The following ARHGEF38 variants were observed in gnomAD, a reference collection of about 807,000 sequenced individuals.
ARHGEF38 encodes the protein Rho guanine nucleotide exchange factor (GEF) 38.
In ARHGEF38, 79 loss-of-function variants were observed where a neutral mutation model predicts 79.9. That is an observed-to-expected ratio of 0.99 (90% CI 0.82 to 1.19). The LOEUF is 1.19. ARHGEF38 is among the 50% of genes most tolerant of loss of function. The pLI is 0.00. For synonymous variants in ARHGEF38, 366 were observed against 328.3 expected, an observed-to-expected ratio of 1.11 and a Z score of -1.24; for missense variants, 962 against 907.2, an observed-to-expected ratio of 1.06 and a Z score of -0.78.
At chr4:105,614,254 A>C (rs1728425215) in intron 3 of ARHGEF38, among the ~76,000 whole-genome samples, 1 of 152,120 alleles carries the variant, frequency 6.6e-6, no homozygotes, top group African/African-American at 2.4e-5. Context: ...TCGTTTCTCT[A>C]TTTCACACTT....
At chr4:105,560,980 TC>T (rs1725490709) in intron 1 of ARHGEF38, among the ~76,000 whole-genome samples, 1 of 152,150 alleles carries the variant, frequency 6.6e-6, no homozygotes, top group Non-Finnish European at 1.5e-5. Context: ...TAAAAACACA[TC>T]CCCTCCCAGA....
chr4:105,651,114 G>A (rs1293157258), intron 7 of ARHGEF38, among the ~76,000 whole-genome samples: 1 of 152,158 alleles, frequency 6.6e-6, no homozygotes, highest in Non-Finnish European at 1.5e-5. Flanking sequence ...TGAATAAGCT[G>A]TTATATTCTT....
intron 3 of ARHGEF38, among the ~76,000 whole-genome samples, chr4:105,617,194 A>G (rs888798448): frequency 6.6e-6 from 1 of 152,356 alleles, no homozygotes; most frequent in Non-Finnish European, 1.5e-5. Context: ...GTCTGACCTT[A>G]TTATAAATGC....
chr4:105,610,664 C>A (rs982672069), intron 2 of ARHGEF38, among the ~76,000 whole-genome samples: 1 of 152,102 alleles, frequency 6.6e-6, no homozygotes, highest in South Asian at 2.1e-4. Context: ...TTCACAGAAT[C>A]CCCATGGGCT....
At chr4:105,561,400 T>TAGAATAG (rs59437354) in intron 1 of ARHGEF38, among the ~76,000 whole-genome samples, 7 of 30,180 alleles carry the variant, frequency 2.3e-4, no homozygotes, top group East Asian at 1.1e-3. Context: ...TAGAGTAGAA[T>TAGAATAG]AATAGAATAG....
At chr4:105,577,428 C>T (rs954523802) in intron 1 of ARHGEF38, among the ~76,000 whole-genome samples, 2 of 151,730 alleles carry the variant, frequency 1.3e-5, no homozygotes, top group Non-Finnish European at 2.9e-5. Context: ...ATGCTGGCTT[C>T]ATAGAATAAT....
chr4:105,676,910 G>C (rs1242914734), intron 13 of ARHGEF38, among the ~76,000 whole-genome samples: 3 of 151,408 alleles, frequency 2.0e-5, no homozygotes, highest in Non-Finnish European at 4.4e-5. Context: ...TTTATCATAA[G>C]TGTTTCCCAT....
intron 1 of ARHGEF38, among the ~76,000 whole-genome samples, chr4:105,566,110 A>G (rs1451442869): frequency 2.0e-5 from 3 of 152,192 alleles, no homozygotes; most frequent in Non-Finnish European, 4.4e-5. Flanking sequence ...TCCCTCATTT[A>G]TTAAAAAATT....
chr4:105,561,484 A>AATGGAATGGAATG (rs1725598720), intron 1 of ARHGEF38: 1 of 59,918 alleles, frequency 1.7e-5, no homozygotes, highest in African/African-American at 6.2e-5. Flanking sequence ...AGAATAGAAT[A>AATGGAATGGAATG]GAATAGAATA....
At chr4:105,670,228 A>G (rs1274330701) in intron 13 of ARHGEF38, among the ~76,000 whole-genome samples, 1 of 152,198 alleles carries the variant, frequency 6.6e-6, no homozygotes, top group African/African-American at 2.4e-5. Flanking sequence ...AAGTGGGCGC[A>G]CCATTTTAGA....
intron 1 of ARHGEF38, among the ~76,000 whole-genome samples, chr4:105,582,500 T>G (rs183379355): frequency 0.011 from 1,684 of 152,200 alleles, 14 homozygotes; most frequent in Non-Finnish European, 0.017. Flanking sequence ...GACCCATCAG[T>G]TATTTTGTAG....
At chr4:105,562,262 A>C (rs2110403183) in intron 1 of ARHGEF38, among the ~76,000 whole-genome samples, 1 of 152,292 alleles carries the variant, frequency 6.6e-6, no homozygotes, top group Middle Eastern at 3.4e-3. Context: ...ATACTACTTC[A>C]TTCTATTTTT....
intron 2 of ARHGEF38, among the ~76,000 whole-genome samples, chr4:105,612,818 A>T (rs1253066006): frequency 1.3e-5 from 2 of 152,172 alleles, no homozygotes; most frequent in Non-Finnish European, 2.9e-5. Context: ...TCTAAGAATA[A>T]TTACACTGGT....
chr4:105,669,070 A>T (rs903813377), intron 13 of ARHGEF38, among the ~76,000 whole-genome samples: 1 of 151,966 alleles, frequency 6.6e-6, no homozygotes, highest in Non-Finnish European at 1.5e-5. Flanking sequence ...ATAATAATAA[A>T]AGTAATGGTT....
At chr4:105,584,104 A>G (rs1034992554) in intron 1 of ARHGEF38, among the ~76,000 whole-genome samples, 2 of 152,242 alleles carry the variant, frequency 1.3e-5, no homozygotes, top group Non-Finnish European at 1.5e-5. Context: ...AGACAACAGC[A>G]GTGTCTGACA....
intron 13 of ARHGEF38, among the ~76,000 whole-genome samples, chr4:105,670,205 A>G (rs1295259769): frequency 1.3e-5 from 2 of 152,232 alleles, no homozygotes; most frequent in African/African-American, 2.4e-5. Context: ...AGAAACTGCC[A>G]AACTGTAATC....
intron 2 of ARHGEF38, among the ~76,000 whole-genome samples, chr4:105,607,869 GCTTTC>G (rs1332238488): frequency 6.6e-6 from 1 of 152,020 alleles, no homozygotes; most frequent in Non-Finnish European, 1.5e-5. Context: ...ACCAGGCTTA[GCTTTC>G]CTCTTTGTGA....
At chr4:105,601,632 T>G (rs999492477) in intron 2 of ARHGEF38, among the ~76,000 whole-genome samples, 1 of 152,212 alleles carries the variant, frequency 6.6e-6, no homozygotes, top group East Asian at 1.9e-4. Context: ...CTGTTAGACA[T>G]TGGCTAAGGG....
intron 2 of ARHGEF38, among the ~76,000 whole-genome samples, chr4:105,610,084 A>C (rs968640860): frequency 6.6e-6 from 1 of 152,172 alleles, no homozygotes; most frequent in Non-Finnish European, 1.5e-5. Flanking sequence ...GGAAGCTATC[A>C]TCCTCTGCAA....
Sources: allele counts gnomAD v4.1 joint callset (sites outside exome capture counted in the v4.1 genomes callset), GRCh38; gene constraint gnomAD v4.1.1; transcripts MANE v1.5; gene names NCBI Gene and HGNC (gene_info 2026-07-23, HGNC 2026-07-21).